Variants in CUX1 observed in about 807,000 individuals in gnomAD.
CUX1 encodes the protein protein CASP.
In CUX1, 31 loss-of-function variants were observed where a neutral mutation model predicts 158.8. That is an observed-to-expected ratio of 0.20 (90% CI 0.15 to 0.26). The LOEUF (loss-of-function observed/expected upper bound fraction) is 0.26, where lower values mean the gene tolerates loss of function less well. Among genes scored for constraint, CUX1 ranks in the 10% least tolerant of loss-of-function variants. The probability of loss-of-function intolerance (pLI) is 1.00; values close to 1 mark genes in which losing one functional copy is unlikely to be tolerated. For synonymous variants in CUX1, 879 were observed against 862.1 expected, an observed-to-expected ratio of 1.02 and a Z score of -0.34; for missense variants, 1,589 against 2,014.6, an observed-to-expected ratio of 0.79 and a Z score of 4.04.
At chr7:102,216,566 TCC>T (rs1797108087) in intron 20 of CUX1, among the ~76,000 whole-genome samples, 1 of 29,646 alleles carries the variant, frequency 3.4e-5, no homozygotes, top group African/African-American at 1.3e-4. Flanking sequence ...GCACACACAC[TCC>T]CACACACACA....
intron 1 of CUX1, among the ~76,000 whole-genome samples, chr7:101,872,425 C>T (rs539105468): frequency 2.0e-4 from 31 of 152,166 alleles, no homozygotes; most frequent in Middle Eastern, 3.4e-3. Context: ...TGAGCCACCG[C>T]GCCCGGCCCA....
At chr7:102,152,386 GTAAC>G (rs1835787168) in intron 8 of CUX1, among the ~76,000 whole-genome samples, 1 of 152,082 alleles carries the variant, frequency 6.6e-6, no homozygotes, top group African/African-American at 2.4e-5. Context: ...AGAAAAATGA[GTAAC>G]AAACATACAG....
intron 1 of CUX1, among the ~76,000 whole-genome samples, chr7:101,819,316 A>G (rs1314352204): frequency 6.6e-6 from 1 of 152,198 alleles, no homozygotes; most frequent in Non-Finnish European, 1.5e-5. Context: ...TCTAAGACAA[A>G]GCTCATGGCA....
chr7:102,190,863 TC>T (rs1316541871), intron 12 of CUX1, among the ~76,000 whole-genome samples: 1 of 151,880 alleles, frequency 6.6e-6, no homozygotes, highest in Non-Finnish European at 1.5e-5. Context: ...AGACCTTGAG[TC>T]CCTTCCTTCC....
chr7:102,146,725 G>A (rs1835064575), intron 8 of CUX1, among the ~76,000 whole-genome samples: 1 of 152,000 alleles, frequency 6.6e-6, no homozygotes, highest in Non-Finnish European at 1.5e-5. Flanking sequence ...AGCCTCCTTA[G>A]TAGCTGGGAT....
chr7:101,821,524 G>C (rs1309300714), intron 1 of CUX1, among the ~76,000 whole-genome samples: 4 of 148,708 alleles, frequency 2.7e-5, no homozygotes, highest in Non-Finnish European at 6.0e-5. Context: ...ATTTTTAGTA[G>C]AGACGGGGTT....
chr7:101,984,129 T>TATAC (rs1813936087), intron 2 of CUX1, among the ~76,000 whole-genome samples: 1 of 28,954 alleles, frequency 3.5e-5, no homozygotes, highest in African/African-American at 1.3e-4. Flanking sequence ...TATATATATA[T>TATAC]ACACACACAC....
chr7:102,117,383 GC>G (rs1156436293), intron 8 of CUX1, among the ~76,000 whole-genome samples: 8 of 110,162 alleles, frequency 7.3e-5, no homozygotes, highest in Non-Finnish European at 1.2e-4. Context: ...GGGCTACAGA[GC>G]CAGACTCCAT....
chr7:102,111,727 C>A lies in CUX1; in HGVS notation c.560C>A (p.Thr187Asn), dbSNP rs1408874096. The part of the protein sequence containing the change: ...RKLQETQMST[T>N]SKLEEAEHKV... ...CTGCAGGAGACACAGATGTCCACCA[C>A]CTCAAAGCTGGAGGAAGCTGAGCAT... Residue 187 changes from threonine to asparagine, a missense_variant, in exon 7 of 24, where the codon ACC becomes AAC. Thr to Asn is a moderately conservative substitution (Grantham distance 65). Coordinates refer to ENST00000292535, the MANE Select transcript of CUX1 (RefSeq NM_181552.4). 1.2e-6 allele frequency: 2 copies of A among 1,614,206 alleles called. No individual in the cohort carries two copies. Among genetic ancestry groups the A allele is most frequent in the Non-Finnish European group, 1.7e-6 (2 of 1,180,012 alleles).
intron 9 of CUX1, among the ~76,000 whole-genome samples, chr7:102,166,572 C>T (rs1046216246): frequency 2.6e-5 from 4 of 152,172 alleles, no homozygotes; most frequent in East Asian, 3.9e-4. Flanking sequence ...TGTCACCACA[C>T]GCCGACCCGG....
At chr7:101,857,102 G>T (rs1796932935) in intron 1 of CUX1, among the ~76,000 whole-genome samples, 1 of 152,278 alleles carries the variant, frequency 6.6e-6, no homozygotes, top group East Asian at 1.9e-4. Context: ...ACCACCCGCC[G>T]CGGGCCACTT....
intron 1 of CUX1, among the ~76,000 whole-genome samples, chr7:101,914,448 G>A (rs1055540356): frequency 2.4e-4 from 27 of 113,356 alleles, no homozygotes; most frequent in Admixed American, 1.9e-3. Flanking sequence ...CCCTCCCTCC[G>A]TCCTTCCCTC....
At chr7:101,909,708 C>T (rs940146945) in intron 1 of CUX1, among the ~76,000 whole-genome samples, 5 of 152,142 alleles carry the variant, frequency 3.3e-5, no homozygotes, top group Non-Finnish European at 7.3e-5. Flanking sequence ...GATAATAAAA[C>T]AAGAATACTT....
chr7:101,927,259 A>G (rs1015152958), intron 2 of CUX1, among the ~76,000 whole-genome samples: 3 of 152,138 alleles, frequency 2.0e-5, no homozygotes, highest in South Asian at 2.1e-4. Context: ...CATTTCTTCC[A>G]TGTAAAGCCC....
At chr7:101,825,249 A>G (rs776055332) in intron 1 of CUX1, among the ~76,000 whole-genome samples, 2 of 152,242 alleles carry the variant, frequency 1.3e-5, no homozygotes, top group African/African-American at 2.4e-5. Flanking sequence ...TGAGACAGAA[A>G]ATTGAGAGCA....
At chr7:102,134,677 A>C (rs1833697253) in intron 8 of CUX1, among the ~76,000 whole-genome samples, 1 of 152,196 alleles carries the variant, frequency 6.6e-6, no homozygotes, top group African/African-American at 2.4e-5. Context: ...GACTCACTGC[A>C]GCCCTGACCT....
In CUX1 at chr7:102,254,160, C is replaced by T; in HGVS notation, c.*5118C>T. 1.0e-6 allele frequency: 1 copy of T among 985,584 alleles called. No individual in the cohort carries two copies. Among genetic ancestry groups the T allele is most frequent in the Non-Finnish European group, 1.2e-6 (1 of 830,056 alleles). 61.1% of individuals were successfully genotyped at this position (985,584 alleles called of 1,614,324 possible). A position where few individuals can be genotyped will look rare whatever the true frequency, so the allele number is the denominator to read the frequency against. ...TTCCCTTCCACCTGTTCCCAAAGCTCCAGCAGCTGTTTCTTTTGCAGGCAG... is the reference window on the plus strand; with the variant it reads ...TTCCCTTCCACCTGTTCCCAAAGCTTCAGCAGCTGTTTCTTTTGCAGGCAG... On this transcript the variant is annotated 3_prime_UTR_variant, in exon 24 of 24. Transcript: ENST00000292535.
chr7:102,216,597 C>CTCCCA (rs1563425158), intron 20 of CUX1, among the ~76,000 whole-genome samples: 1 of 38,260 alleles, frequency 2.6e-5, no homozygotes, highest in Non-Finnish European at 5.7e-5. Flanking sequence ...CACACACACT[C>CTCCCA]CCACACACAC....
chr7:102,260,103 A>G (rs782710962), downstream of CUX1, among the ~76,000 whole-genome samples: 8 of 138,958 alleles, frequency 5.8e-5, no homozygotes, highest in South Asian at 2.2e-4. Flanking sequence ...TCTTGGGGGG[A>G]AAAAAAAAAA....
Sources: allele counts gnomAD v4.1 joint callset (sites outside exome capture counted in the v4.1 genomes callset), GRCh38; gene constraint gnomAD v4.1.1; transcripts MANE v1.5; gene names NCBI Gene and HGNC (gene_info 2026-07-23, HGNC 2026-07-21).